The following FOXC2 variants were observed in gnomAD, a reference collection of about 807,000 sequenced individuals.
FOXC2 encodes forkhead box C2.
FOXC2 carries 7 observed loss-of-function variants against 7.2 expected under a neutral mutation model. That is an observed-to-expected ratio of 0.97 (90% CI 0.55 to 1.81). FOXC2 has a LOEUF of 1.81. Among genes scored for constraint, FOXC2 ranks in the 40% most tolerant of loss-of-function variants. The pLI, the probability that FOXC2 is intolerant of heterozygous loss-of-function variation, is 0.00. For synonymous variants in FOXC2, 436 were observed against 350.4 expected (o/e 1.24, Z -2.73); for missense variants, 846 against 741.2 (o/e 1.14, Z -1.64).
chr16:86,567,355 T>C lies in FOXC2; in HGVS notation c.20T>C (p.Val7Ala), dbSNP rs745506389. The change falls in exon 1 of 1, where the codon GTG becomes GCG. Residue 7 changes from valine to alanine, a missense_variant. Around this residue, in one of 3 missense-constraint regions of FOXC2, gnomAD observed 154 missense variants for 134.2 expected, o/e 1.15. Coordinates refer to ENST00000649859, the MANE Select transcript of FOXC2 (RefSeq NM_005251.3). MQARYS[V>A]SDPNALGVVP... is the part of the protein sequence containing the mutation. ...AGCAGCATGCAGGCGCGCTACTCCG[T>C]GTCCGACCCCAACGCCCTGGGAGTG... The C allele has an allele frequency of 7.4e-6, 12 of 1,612,842 alleles. No homozygotes were observed. The highest frequency in any genetic ancestry group is 9.3e-6 in the Non-Finnish European group (11 of 1,179,864).
Position 86,569,076 on chromosome 16 carries a change from AC to A in FOXC2, c.*236del. The A allele has an allele frequency of 1.6e-6, 1 of 608,024 alleles. No individual in the cohort carries two copies. Among genetic ancestry groups the A allele is most frequent in the Non-Finnish European group, 3.0e-6 (1 of 334,110 alleles). 37.7% of individuals were successfully genotyped at this position (608,024 alleles called of 1,614,324 possible). On this transcript the variant is annotated 3_prime_UTR_variant, in exon 1 of 1. Coordinates refer to ENST00000649859, the MANE Select transcript of FOXC2 (RefSeq NM_005251.3). Reference sequence around the variant, plus strand: ...GATCCCAGGAAACCCCTCCAAAGGGACGCAGCCCAACAAAATGAGTATTGAT... The same window carrying A: ...GATCCCAGGAAACCCCTCCAAAGGGAGCAGCCCAACAAAATGAGTATTGAT...
At position 86,568,157 on chromosome 16, in the gene FOXC2, C is replaced by T; in HGVS notation, c.822C>T (p.Asn274=). The T allele has an allele frequency of 7.6e-7, 1 of 1,312,294 alleles. No individual in the cohort carries two copies. Among genetic ancestry groups the T allele is most frequent in the Non-Finnish European group, 9.6e-7 (1 of 1,039,540 alleles). The allele number at this position is 1,312,294 out of a possible 1,614,324, so 81.3% of individuals were successfully genotyped here. A position where few individuals can be genotyped will look rare whatever the true frequency, so the allele number is the denominator to read the frequency against. Residue 274 remains asparagine (N), a synonymous_variant, in exon 1 of 1, where the codon AAC becomes AAT. Transcript: ENST00000649859. The surrounding 1 kb of genome is among the most constrained non-coding windows in gnomAD (Gnocchi z 5.2). ...GGCTGCCTGGCTTCAGCGTGGAGAA[C>T]ATCATGACCCTGCGAACGTCGCCGC... The part of the protein sequence containing the change: ...PNGLPGFSVE[N]IMTLRTSPPG...
chr16:86,567,221 C>G lies in FOXC2; in HGVS notation c.-115C>G. On this transcript the variant is annotated 5_prime_UTR_variant, in exon 1 of 1. Coordinates refer to ENST00000649859, the MANE Select transcript of FOXC2 (RefSeq NM_005251.3). ...GCCAGGAGCCCGGGGCCGCCCCTCC[C>G]GCTCCCCTCCTCTCCCCCTCTGGCT... 2 of 1,269,766 alleles carry G rather than the reference C, an allele frequency of 1.6e-6. No homozygotes were observed. The highest frequency in any genetic ancestry group is 2.7e-5 in the South Asian group (2 of 73,824). 78.7% of individuals were successfully genotyped at this position (1,269,766 alleles called of 1,614,324 possible).
chr16:86,569,683 G>A lies in FOXC2; in HGVS notation c.*842G>A, dbSNP rs1286295366. On this transcript the variant is annotated 3_prime_UTR_variant, in exon 1 of 1. Coordinates refer to ENST00000649859, the MANE Select transcript of FOXC2 (RefSeq NM_005251.3). ...GTGTTTGTCTTACGTGGTCTTAATCGTTGTACTTACCTTAAAATAAACCCA... is the reference window on the plus strand; with the variant it reads ...GTGTTTGTCTTACGTGGTCTTAATCATTGTACTTACCTTAAAATAAACCCA... 1 of 165,504 alleles carries A rather than the reference G, an allele frequency of 6.0e-6. No individual in the cohort carries two copies. The highest frequency in any genetic ancestry group is 2.1e-4 in the South Asian group (1 of 4,772). The allele number at this position is 165,504 out of a possible 1,614,324, so 10.3% of individuals were successfully genotyped here.
Position 86,568,943 on chromosome 16 carries a change from A to C in FOXC2, c.*102A>C. ...CTGCAGAGACGCAAAAAAGAAACAA[A>C]ACATGTCCACCAACCTTTTCTCAGA... On this transcript the variant is annotated 3_prime_UTR_variant, in exon 1 of 1. Transcript: ENST00000649859. This position sits in a 1 kb window ranked among gnomAD's most constrained non-coding sequence, Gnocchi z 5.2. 1.4e-6 allele frequency: 2 copies of C among 1,457,872 alleles called. No individual in the cohort carries two copies. The highest frequency in any genetic ancestry group is 1.9e-6 in the Non-Finnish European group (2 of 1,059,904). 90.3% of individuals were successfully genotyped at this position (1,457,872 alleles called of 1,614,324 possible). A position where few individuals can be genotyped will look rare whatever the true frequency, so the allele number is the denominator to read the frequency against.
rs1381465312 is a variant in FOXC2, at chr16:86,568,201, CG to C, written c.871del (p.Ala291ProfsTer46). On this transcript the variant is annotated frameshift_variant, in exon 1 of 1. Transcript: ENST00000649859. LOFTEE classifies it low-confidence loss of function (END_TRUNC). This position sits in a 1 kb window ranked among gnomAD's most constrained non-coding sequence, Gnocchi z 5.2. Reference sequence around the variant, plus strand: ...TCGCCGCCGGGCGGAGAGCTGAGCCCGGGGGCCGGACGCGCGGGCCTGGTGG... The same window carrying C: ...TCGCCGCCGGGCGGAGAGCTGAGCCCGGGGCCGGACGCGCGGGCCTGGTGG... The part of the protein sequence containing the change: ...RTSPPGGELS[P>X]GAGRAGLVVP... 1.0e-5 allele frequency: 13 copies of C among 1,279,440 alleles called. No individual in the cohort carries two copies. In the South Asian group the frequency reaches 1.1e-4, roughly 11 times the overall value. The allele number at this position is 1,279,440 out of a possible 1,614,324, so 79.3% of individuals were successfully genotyped here.
Position 86,567,094 on chromosome 16 carries a change from C to A in FOXC2, c.-242C>A, listed in dbSNP as rs563075497. 6.6e-6 allele frequency among the ~76,000 whole-genome samples: 1 copy of A among 150,578 alleles called. No homozygotes were observed. Among genetic ancestry groups the A allele is most frequent in the South Asian group, 2.1e-4 (1 of 4,826 alleles). ...GGAGCGGGGCCGGCGCTGCGCTTGCCCGGGGCGCGCCCTCCAGGATGCCGA... is the reference window on the plus strand; with the variant it reads ...GGAGCGGGGCCGGCGCTGCGCTTGCACGGGGCGCGCCCTCCAGGATGCCGA... On this transcript the variant is annotated 5_prime_UTR_variant, in exon 1 of 1. Transcript: ENST00000649859.
In FOXC2 at chr16:86,568,600, C is replaced by G. The variant is rs200408083; in HGVS notation, c.1265C>G (p.Ala422Gly). The change falls in exon 1 of 1, where the codon GCC becomes GGC. Residue 422 changes from alanine (A) to glycine (G), a missense_variant. Physicochemically the swap from Ala to Gly is moderately conservative, Grantham distance 60. Coordinates refer to ENST00000649859, the MANE Select transcript of FOXC2 (RefSeq NM_005251.3). The surrounding 1 kb of genome is among the most constrained non-coding windows in gnomAD (Gnocchi z 5.2). Reference sequence around the variant, plus strand: ...CCCGGGGCCGCCGCGGCGCAGGCGGCCTCCTGGTATCTCAACCACAGCGGG... The same window carrying G: ...CCCGGGGCCGCCGCGGCGCAGGCGGGCTCCTGGTATCTCAACCACAGCGGG... ...PQPGAAAAQA[A>G]SWYLNHSGDL... The G allele has an allele frequency of 3.8e-5, 61 of 1,608,470 alleles. No homozygotes were observed. In the East Asian group the frequency reaches 1.4e-3, roughly 36 times the overall value.
chr16:86,568,814 C>A lies in FOXC2; in HGVS notation c.1479C>A (p.Pro493=), dbSNP rs368769715. The change falls in exon 1 of 1, where the codon CCC becomes CCA. Residue 493 remains proline, a synonymous_variant. Coordinates refer to ENST00000649859, the MANE Select transcript of FOXC2 (RefSeq NM_005251.3). This position sits in a 1 kb window ranked among gnomAD's most constrained non-coding sequence, Gnocchi z 5.2. The part of the protein sequence containing the change: ...STPPLYRHAA[P]YSYDCTKY ...CGCCTCTCTATCGCCACGCAGCCCC[C>A]TACTCCTACGACTGCACGAAATACT... The A allele has an allele frequency of 6.2e-7, 1 of 1,612,994 alleles. No individual in the cohort carries two copies. The highest frequency in any genetic ancestry group is 8.5e-7 in the Non-Finnish European group (1 of 1,179,982).
rs1450022946 is a variant in FOXC2, at chr16:86,568,011, A to G, written c.676A>G (p.Thr226Ala). 6.7e-7 allele frequency: 1 copy of G among 1,488,048 alleles called. No individual in the cohort carries two copies. The highest frequency in any genetic ancestry group is 8.8e-7 in the Non-Finnish European group (1 of 1,132,094). 92.2% of individuals were successfully genotyped at this position (1,488,048 alleles called of 1,614,324 possible). A position where few individuals can be genotyped will look rare whatever the true frequency, so the allele number is the denominator to read the frequency against. The part of the protein sequence containing the change: ...EAASPALPVI[T>A]KVETLSPESA... Reference sequence around the variant, plus strand: ...GGCGTCCCCGGCGCTGCCGGTCATCACCAAGGTGGAGACGCTGAGCCCCGA... The same window carrying G: ...GGCGTCCCCGGCGCTGCCGGTCATCGCCAAGGTGGAGACGCTGAGCCCCGA... The change falls in exon 1 of 1, where the codon ACC becomes GCC. Residue 226 changes from threonine to alanine, a missense_variant. Transcript: ENST00000649859. The surrounding 1 kb of genome is among the most constrained non-coding windows in gnomAD (Gnocchi z 5.2).
Position 86,567,645 on chromosome 16 carries a change from G to C in FOXC2, c.310G>C (p.Asp104His). 1.2e-6 allele frequency: 2 copies of C among 1,614,066 alleles called. No homozygotes were observed. The highest frequency in any genetic ancestry group is 2.2e-5 in the South Asian group (2 of 91,074). The part of the protein sequence containing the change: ...TLNGIYQFIM[D>H]RFPFYRENKQ... ...GAACGGCATCTACCAGTTCATCATG[G>C]ACCGCTTCCCCTTCTACCGGGAGAA... The change falls in exon 1 of 1, where the codon GAC becomes CAC. Residue 104 changes from aspartate to histidine, a missense_variant. By Grantham distance (81) the Asp-to-His change is moderately conservative. Coordinates refer to ENST00000649859, the MANE Select transcript of FOXC2 (RefSeq NM_005251.3).
Position 86,569,219 on chromosome 16 carries a change from C to T in FOXC2, c.*378C>T, listed in dbSNP as rs1029060712. ...CCTAGTGACTTTCTGTAGGGGTCCC[C>T]ATAGGTGTATGGGGGTCTCTATAGA... On this transcript the variant is annotated 3_prime_UTR_variant, in exon 1 of 1. Coordinates refer to ENST00000649859, the MANE Select transcript of FOXC2 (RefSeq NM_005251.3). 4 of 366,488 alleles carry T rather than the reference C, an allele frequency of 1.1e-5. No individual in the cohort carries two copies. The highest frequency in any genetic ancestry group is 8.4e-5 in the African/African-American group (4 of 47,890). The allele number at this position is 366,488 out of a possible 1,614,324, so 22.7% of individuals were successfully genotyped here.
chr16:86,567,514 A>G lies in FOXC2; in HGVS notation c.179A>G (p.His60Arg). The G allele has an allele frequency of 1.2e-6, 2 of 1,613,694 alleles. No individual in the cohort carries two copies. The highest frequency in any genetic ancestry group is 1.7e-6 in the Non-Finnish European group (2 of 1,179,938). Residue 60 changes from histidine to arginine, a missense_variant, in exon 1 of 1, where the codon CAC becomes CGC. His to Arg is a conservative substitution (Grantham distance 29). Around this residue, in one of 3 missense-constraint regions of FOXC2, gnomAD observed 154 missense variants for 134.2 expected, o/e 1.15. Transcript: ENST00000649859. ...AGMGRSYAPYHHHQPAAPKDL... is the reference protein window; with the variant it reads ...AGMGRSYAPYRHHQPAAPKDL... ...ATGGGCCGCTCCTACGCGCCCTACC[A>G]CCACCACCAGCCCGCGGCGCCTAAG...
At position 86,567,864 on chromosome 16, in the gene FOXC2, A is replaced by G. The variant is rs1216049569; in HGVS notation, c.529A>G (p.Lys177Glu). ...CAAAAAGAAGGACGTGTCCAAGGAGAAGGAGGAGCGGGCCCACCTCAAGGA... is the reference window on the plus strand; with the variant it reads ...CAAAAAGAAGGACGTGTCCAAGGAGGAGGAGGAGCGGGCCCACCTCAAGGA... ...RFKKKDVSKE[K>E]EERAHLKEPP... The change falls in exon 1 of 1, where the codon AAG becomes GAG. Residue 177 changes from lysine (K) to glutamate (E), a missense_variant. Lys to Glu is a moderately conservative substitution (Grantham distance 56, BLOSUM62 1). Around this residue, in one of 3 missense-constraint regions of FOXC2, gnomAD observed 640 missense variants for 503.2 expected, o/e 1.27. Transcript: ENST00000649859. 16 of 1,611,618 alleles carry G rather than the reference A, an allele frequency of 9.9e-6. No individual in the cohort carries two copies. The highest frequency in any genetic ancestry group is 1.3e-5 in the African/African-American group (1 of 74,804).
chr16:86,567,268 A>G lies in FOXC2; in HGVS notation c.-68A>G, dbSNP rs548133396. 5 of 1,584,384 alleles carry G rather than the reference A, an allele frequency of 3.2e-6. No individual in the cohort carries two copies. In the East Asian group the frequency reaches 6.8e-5, roughly 21 times the overall value. On this transcript the variant is annotated 5_prime_UTR_variant, in exon 1 of 1. Transcript: ENST00000649859. ...GGCTCTCTCGCGCTCTCTCGCTCTC[A>G]GGGCCCCCCTCGCTCCCCCGGCCGC...
Position 86,568,215 on chromosome 16 carries a change from G to C in FOXC2, c.880G>C (p.Ala294Pro), listed in dbSNP as rs1974227479. The change falls in exon 1 of 1, where the codon GCG (alanine) becomes CCG (proline). Residue 294 changes from alanine (A) to proline (P), a missense_variant. This residue lies in a region of FOXC2 where 640 missense variants were observed against 503.2 expected (regional missense o/e 1.27). Coordinates refer to ENST00000649859, the MANE Select transcript of FOXC2 (RefSeq NM_005251.3). The surrounding 1 kb of genome is among the most constrained non-coding windows in gnomAD (Gnocchi z 5.2). ...GGELSPGAGRAGLVVPPLALP... is the reference protein window; with the variant it reads ...GGELSPGAGRPGLVVPPLALP... ...AGAGCTGAGCCCGGGGGCCGGACGC[G>C]CGGGCCTGGTGGTGCCGCCGCTGGC... 4.7e-6 allele frequency: 6 copies of C among 1,275,652 alleles called. No homozygotes were observed. The highest frequency in any genetic ancestry group is 4.7e-5 in the African/African-American group (3 of 64,068). 79.0% of individuals were successfully genotyped at this position (1,275,652 alleles called of 1,614,324 possible). A position where few individuals can be genotyped will look rare whatever the true frequency, so the allele number is the denominator to read the frequency against.
rs780683912 is a variant in FOXC2 at position 86,568,550 on chromosome 16, T to TCCCCAG, written c.1224_1229dup (p.Gln409_Pro410dup). The stretch of plus-strand genomic sequence containing the variant: ...CGCAGGCGCCGCCGCCCCCGCCGGC[T>TCCCCAG]CCCCAGCCCCAGCCGACGCCGCAGC... On this transcript the variant is annotated inframe_insertion, in exon 1 of 1. Coordinates refer to ENST00000649859, the MANE Select transcript of FOXC2 (RefSeq NM_005251.3). This position sits in a 1 kb window ranked among gnomAD's most constrained non-coding sequence, Gnocchi z 5.2. The TCCCCAG allele has an allele frequency of 3.8e-6, 5 of 1,328,134 alleles. No homozygotes were observed. Among genetic ancestry groups the TCCCCAG allele is most frequent in the African/African-American group, 1.5e-5 (1 of 64,584 alleles). 82.3% of individuals were successfully genotyped at this position (1,328,134 alleles called of 1,614,324 possible). A position where few individuals can be genotyped will look rare whatever the true frequency, so the allele number is the denominator to read the frequency against.
At position 86,569,392 on chromosome 16, in the gene FOXC2, T is replaced by C. The variant is rs2144022314; in HGVS notation, c.*551T>C. 1 of 168,406 alleles carries C rather than the reference T, an allele frequency of 5.9e-6. No homozygotes were observed. Among genetic ancestry groups the C allele is most frequent in the South Asian group, 2.0e-4 (1 of 4,922 alleles). 10.4% of individuals were successfully genotyped at this position (168,406 alleles called of 1,614,324 possible). On this transcript the variant is annotated 3_prime_UTR_variant, in exon 1 of 1. Transcript: ENST00000649859. ...TTGAGTTCACTGGATAAGTTTTTCA[T>C]CTTGCCCAACCATTTCTAACTGCCA... is the stretch of plus-strand genomic sequence containing the variant.
In FOXC2 at chr16:86,568,446, G is replaced by T. The variant is rs1241625240; in HGVS notation, c.1111G>T (p.Ala371Ser). 2.2e-6 allele frequency: 3 copies of T among 1,358,788 alleles called. No individual in the cohort carries two copies. The highest frequency in any genetic ancestry group is 2.9e-6 in the Non-Finnish European group (3 of 1,047,666). 84.2% of individuals were successfully genotyped at this position (1,358,788 alleles called of 1,614,324 possible). A position where few individuals can be genotyped will look rare whatever the true frequency, so the allele number is the denominator to read the frequency against. ...GAGCGGCCCCACGTCGCCCCTGAGCGCTCTCAACCTCGCCGCCGGCCAGGA... is the reference window on the plus strand; with the variant it reads ...GAGCGGCCCCACGTCGCCCCTGAGCTCTCTCAACCTCGCCGCCGGCCAGGA... Reference protein sequence around the residue: ...HPSGPTSPLSALNLAAGQEGA... With the variant: ...HPSGPTSPLSSLNLAAGQEGA... Residue 371 changes from alanine (A) to serine (S), a missense_variant, in exon 1 of 1, where the codon GCT (alanine) becomes TCT (serine). Around this residue, in one of 3 missense-constraint regions of FOXC2, gnomAD observed 640 missense variants for 503.2 expected, o/e 1.27. Coordinates refer to ENST00000649859, the MANE Select transcript of FOXC2 (RefSeq NM_005251.3). The surrounding 1 kb of genome is among the most constrained non-coding windows in gnomAD (Gnocchi z 5.2).
Sources: gnomAD v4.1 joint callset for allele counts (sites outside exome capture counted in the v4.1 genomes callset) on GRCh38, gnomAD v4.1.1 for gene constraint, gnomAD v4.1.1 regional missense constraint, Gnocchi (gnomAD v3.1) non-coding constraint, MANE v1.5 for transcripts, NCBI Gene and HGNC (gene_info 2026-07-23, HGNC 2026-07-21) for gene names.